The following SUMF1 variants were observed in gnomAD, a reference collection of about 807,000 sequenced individuals.
The protein encoded by SUMF1 is sulfatase modifying factor 1, also known as formylglycine-generating enzyme.
In SUMF1, 48 loss-of-function variants were observed where a neutral mutation model predicts 47.6. The observed-to-expected ratio is 1.01, with a 90% CI of 0.80 to 1.28. SUMF1 has a LOEUF of 1.28. Among genes scored for constraint, SUMF1 ranks in the 50% most tolerant of loss-of-function variants. The pLI is 0.00. For synonymous variants in SUMF1, 230 were observed against 192.1 expected, an observed-to-expected ratio of 1.20 and a Z score of -1.63; for missense variants, 571 against 485.4, an observed-to-expected ratio of 1.18 and a Z score of -1.66.
chr3:4,372,669 T>C (rs793941), intron 8 of SUMF1, among the ~76,000 whole-genome samples: 4 of 152,046 alleles, frequency 2.6e-5, no homozygotes, highest in Non-Finnish European at 5.9e-5. Context: ...TACAATTATA[T>C]TATGTTACAA....
intron 8 of SUMF1, among the ~76,000 whole-genome samples, chr3:4,105,248 G>C (rs1693131996): frequency 6.6e-6 from 1 of 152,088 alleles, no homozygotes; most frequent in Non-Finnish European, 1.5e-5. Context: ...GAGAAAAGGG[G>C]AGATGTCTGT....
intron 8 of SUMF1, among the ~76,000 whole-genome samples, chr3:4,114,535 T>G (rs979285143): frequency 6.6e-6 from 1 of 152,168 alleles, no homozygotes; most frequent in Non-Finnish European, 1.5e-5. Context: ...TAAACTATTA[T>G]TTGCATTTTA....
At chr3:4,456,692 G>GTGTGTGTA (rs1553588969) in intron 1 of SUMF1, among the ~76,000 whole-genome samples, 1 of 131,130 alleles carries the variant, frequency 7.6e-6, no homozygotes, top group African/African-American at 2.9e-5. Flanking sequence ...ATATATGTGT[G>GTGTGTGTA]TATATATATA....
chr3:4,194,351 A>G (rs1294223292), intron 8 of SUMF1, among the ~76,000 whole-genome samples: 1 of 152,168 alleles, frequency 6.6e-6, no homozygotes, highest in Non-Finnish European at 1.5e-5. Context: ...CTGGGCAGGC[A>G]GGAGTTCAAG....
chr3:4,152,881 A>C (rs1256580985), intron 8 of SUMF1, among the ~76,000 whole-genome samples: 1 of 151,484 alleles, frequency 6.6e-6, no homozygotes, highest in Non-Finnish European at 1.5e-5. Context: ...ACAGAAGAAA[A>C]CATTTTCAGA....
intron 9 of SUMF1, among the ~76,000 whole-genome samples, chr3:4,053,910 T>C (rs371441903): frequency 1.4e-4 from 21 of 152,088 alleles, no homozygotes; most frequent in African/African-American, 4.3e-4. Context: ...GTCCTTCCAA[T>C]AAAAAGTAAA....
chr3:4,414,348 C>G (rs1265711840), intron 6 of SUMF1, among the ~76,000 whole-genome samples: 2 of 152,108 alleles, frequency 1.3e-5, no homozygotes, highest in East Asian at 3.9e-4. Flanking sequence ...TAAAATGAGA[C>G]CTGAAATAAT....
rs746612402 is a variant in SUMF1 at position 4,297,564 on chromosome 3, AT to A, written c.1014+78765del. On this transcript the variant is annotated intron_variant and NMD_transcript_variant, in intron 8 of 12. Coordinates refer to the SUMF1 transcript ENST00000448413. ...TACAGCCACAAGCCACTACACCTGA[AT>A]TTTTTTTTTTTTTTTTTTTTGAGAT... Among the ~76,000 whole-genome samples, 692 of 113,838 alleles carry A rather than the reference AT, an allele frequency of 6.1e-3. 2 individuals carry two copies. The highest frequency in any genetic ancestry group is 8.9e-3 in the Admixed American group (92 of 10,380). The allele number at this position is 113,838 out of a possible 152,430, so 74.7% of individuals were successfully genotyped here.
intron 3 of SUMF1, among the ~76,000 whole-genome samples, chr3:4,426,055 C>T (rs1167606283): frequency 3.3e-5 from 5 of 152,164 alleles, no homozygotes; most frequent in African/African-American, 7.2e-5. Context: ...TCCCATGACA[C>T]GTAAAGATTA....
intron 8 of SUMF1, among the ~76,000 whole-genome samples, chr3:4,075,470 G>A (rs1006847164): frequency 2.6e-5 from 4 of 152,066 alleles, no homozygotes; most frequent in African/African-American, 9.7e-5. Flanking sequence ...ATTCAACATA[G>A]TATTAGAAGT....
chr3:4,435,773 A>C (rs945358333), intron 3 of SUMF1, among the ~76,000 whole-genome samples: 1 of 152,220 alleles, frequency 6.6e-6, no homozygotes, highest in Non-Finnish European at 1.5e-5. Context: ...CCAGCTCAGA[A>C]AATTCCCTTC....
rs774306376 is a variant in SUMF1 at position 4,467,014 on chromosome 3, C to A, written c.232G>T (p.Gly78Cys). 6.3e-7 allele frequency: 1 copy of A among 1,593,858 alleles called. No homozygotes were observed. Among genetic ancestry groups the A allele is most frequent in the Non-Finnish European group, 8.5e-7 (1 of 1,172,000 alleles). The change falls in exon 1 of 9, where the codon GGC becomes TGC. Residue 78 changes from glycine (G) to cysteine (C), a missense_variant. Gly to Cys is a radical substitution (Grantham distance 159, BLOSUM62 -3). Coordinates refer to ENST00000272902, the MANE Select transcript of SUMF1 (RefSeq NM_182760.4). ...AGTTGCCGCTCTCCGGGTACGGGGC[C>A]CGGAGCGTTAGCCTCCCGCGAGTAT... ...HRYSREANAPGPVPGERQLAH... is the reference protein window; with the variant it reads ...HRYSREANAPCPVPGERQLAH...
intron 8 of SUMF1, among the ~76,000 whole-genome samples, chr3:4,110,276 C>T (rs1185081575): frequency 6.6e-6 from 1 of 152,074 alleles, no homozygotes; most frequent in East Asian, 1.9e-4. Flanking sequence ...CCTGATCGTT[C>T]CTCTGGAAGT....
intron 8 of SUMF1, among the ~76,000 whole-genome samples, chr3:4,231,418 C>T (rs1696296871): frequency 6.6e-6 from 1 of 152,142 alleles, no homozygotes; most frequent in Non-Finnish European, 1.5e-5. Context: ...TCTCAAATAA[C>T]ACCACACTTC....
intron 8 of SUMF1, among the ~76,000 whole-genome samples, chr3:4,306,520 G>A (rs2125078105): frequency 6.6e-6 from 1 of 152,314 alleles, no homozygotes; most frequent in African/African-American, 2.4e-5. Flanking sequence ...AACTATCTCT[G>A]TATATGCACA....
chr3:4,159,886 C>G (rs1446156294), intron 8 of SUMF1, among the ~76,000 whole-genome samples: 1 of 152,134 alleles, frequency 6.6e-6, no homozygotes. Context: ...GCCATTCTAT[C>G]CTGGCCTATA....
At chr3:4,247,139 C>G (rs1696689273) in intron 8 of SUMF1, among the ~76,000 whole-genome samples, 1 of 152,214 alleles carries the variant, frequency 6.6e-6, no homozygotes, top group African/African-American at 2.4e-5. Flanking sequence ...TATTTTTTCA[C>G]TGCCCCATTG....
intron 8 of SUMF1, chr3:4,314,398 T>A (rs1698552459): frequency 6.6e-6 from 1 of 152,658 alleles, no homozygotes; most frequent in African/African-American, 2.4e-5. Flanking sequence ...TTGATTTCTG[T>A]CTGACTCCTG....
rs990455772 is a variant in SUMF1, at chr3:4,369,358, T to C, written c.1014+6972A>G. On this transcript the variant is annotated intron_variant, in intron 8 of 8. Coordinates refer to ENST00000272902, the MANE Select transcript of SUMF1 (RefSeq NM_182760.4). ...TGTGTGATCTGCATGCAATGGAAGCTCTCAAATGACTAGAGGTGACCATGC... is the reference window on the plus strand; with the variant it reads ...TGTGTGATCTGCATGCAATGGAAGCCCTCAAATGACTAGAGGTGACCATGC... 5.9e-5 allele frequency among the ~76,000 whole-genome samples: 9 copies of C among 152,276 alleles called. 2 individuals carry two copies. The highest frequency in any genetic ancestry group is 1.9e-4 in the East Asian group (1 of 5,180).
Sources: gnomAD v4.1 joint callset for allele counts (sites outside exome capture counted in the v4.1 genomes callset) on GRCh38, gnomAD v4.1.1 for gene constraint, MANE v1.5 for transcripts, NCBI Gene and HGNC (gene_info 2026-07-23, HGNC 2026-07-21) for gene names.